TENM2: variants seen among roughly 807,000 people sequenced by gnomAD.
TENM2 encodes teneurin transmembrane protein 2.
A neutral mutation model predicts 245.2 loss-of-function variants in TENM2; 52 were observed. The ratio of observed to expected loss-of-function variants is 0.21; its 90% confidence interval spans 0.17 to 0.27. The LOEUF is 0.27. TENM2 is among the 10% of genes least tolerant of loss of function. The pLI is 1.00. For missense variants in TENM2, 3,046 were observed against 3,666.8 expected, an observed-to-expected ratio of 0.83 and a Z score of 4.37; for synonymous variants, 1,363 against 1,438.9, an observed-to-expected ratio of 0.95 and a Z score of 1.19.
At chr5:168,035,439 G>A (rs1033975989) in intron 5 of TENM2, among the ~76,000 whole-genome samples, 1 of 150,368 alleles carries the variant, frequency 6.7e-6, no homozygotes, top group Non-Finnish European at 1.5e-5. Context: ...GCAGTTTGCA[G>A]TGAACTGAGA....
intron 1 of TENM2, among the ~76,000 whole-genome samples, chr5:167,356,194 A>C (rs1329398226): frequency 5.9e-3 from 12 of 2,050 alleles, no homozygotes; most frequent in Non-Finnish European, 0.012. Flanking sequence ...TCTCAAAAAA[A>C]AAAAAAAAAA....
chr5:167,213,262 TA>T, the TENM2 span, among the ~76,000 whole-genome samples: 11 of 152,336 alleles, frequency 7.2e-5, no homozygotes, highest in Admixed American at 7.2e-4. Context: ...TGGGCTACTG[TA>T]AATGAATACC....
intron 4 of TENM2, among the ~76,000 whole-genome samples, chr5:167,962,840 G>A (rs1454422954): frequency 6.6e-6 from 1 of 152,130 alleles, no homozygotes; most frequent in Non-Finnish European, 1.5e-5. Context: ...TCCCTCCCAT[G>A]ACACATGGGA....
chr5:168,219,139 AT>A, intron 23 of TENM2, 140 bp downstream of exon 25: 3 of 797,414 alleles, frequency 3.8e-6, no homozygotes, highest in Non-Finnish European at 3.9e-6. Flanking sequence ...GCCTCAAGAC[AT>A]TCATGTCCCC....
At chr5:167,020,043 A>G in the TENM2 span, among the ~76,000 whole-genome samples, 1 of 152,210 alleles carries the variant, frequency 6.6e-6, no homozygotes, top group Non-Finnish European at 1.5e-5. Flanking sequence ...TAAACTTTAC[A>G]TGGATCCAGC....
chr5:167,759,668 G>A (rs1762535237), intron 2 of TENM2, among the ~76,000 whole-genome samples: 2 of 152,140 alleles, frequency 1.3e-5, no homozygotes, highest in African/African-American at 4.8e-5. Context: ...TAATCCACCT[G>A]GGAGGGCTGT....
At chr5:167,238,009 C>CAAAAAAAAAAAAAAAAAAAAAAAAA in the TENM2 span, among the ~76,000 whole-genome samples, 1 of 44,114 alleles carries the variant, frequency 2.3e-5, no homozygotes, top group Non-Finnish European at 4.3e-5. Flanking sequence ...GACTCTGTCT[C>CAAAAAAAAAAAAAAAAAAAAAAAAA]AAAAAAAAAA....
rs1421981900 is a variant in TENM2 at position 168,165,647 on chromosome 5, AACCCCCCCCCC to A, written c.2569+2891_2569+2901del. On this transcript the variant is annotated intron_variant, in intron 13 of 28. Coordinates refer to ENST00000518659, the Ensembl canonical transcript of TENM2. The stretch of plus-strand genomic sequence containing the variant: ...AGGCACAATTCAGGATCCCCCCCCC[AACCCCCCCCCC>A]CCCCCCGGCTGGCAGAGACAAAGCA... 1.8e-3 allele frequency among the ~76,000 whole-genome samples: 28 copies of A among 15,908 alleles called. 4 individuals carry two copies. The highest frequency in any genetic ancestry group is 4.9e-3 in the African/African-American group (24 of 4,892). 10.4% of individuals were successfully genotyped at this position (15,908 alleles called of 152,430 possible). A position where few individuals can be genotyped will look rare whatever the true frequency, so the allele number is the denominator to read the frequency against.
chr5:167,918,127 T>C (rs955678101), intron 3 of TENM2, among the ~76,000 whole-genome samples: 15 of 152,212 alleles, frequency 9.9e-5, no homozygotes, highest in African/African-American at 3.4e-4. Context: ...TTTCAAAACA[T>C]TGATTTCTAC....
intron 5 of TENM2, among the ~76,000 whole-genome samples, chr5:168,002,084 G>A (rs1784452332): frequency 6.6e-6 from 1 of 152,176 alleles, no homozygotes; most frequent in African/African-American, 2.4e-5. Context: ...TGTAATATGT[G>A]TCATCTTTCA....
chr5:167,329,389 C>CAA lies in TENM2; in HGVS notation c.226+44339_226+44340dup, dbSNP rs34894963. On this transcript the variant is annotated intron_variant, in intron 1 of 28. Transcript: ENST00000518659. The stretch of plus-strand genomic sequence containing the variant: ...TGAAACCCCATCTCTACTAAAAATA[C>CAA]AAAAAAAAAAAAAATAGCCTGGCGT... Among the ~76,000 whole-genome samples, 807 of 129,636 alleles carry CAA rather than the reference C, an allele frequency of 6.2e-3. 8 individuals carry two copies. The highest frequency in any genetic ancestry group is 0.018 in the East Asian group (81 of 4,422). The allele number at this position is 129,636 out of a possible 152,430, so 85.0% of individuals were successfully genotyped here.
chr5:167,232,150 T>A, the TENM2 span, among the ~76,000 whole-genome samples: 1 of 152,234 alleles, frequency 6.6e-6, no homozygotes, highest in South Asian at 2.1e-4. Flanking sequence ...ATGGAGAACC[T>A]TTTCTAGGGC....
At chr5:167,238,161 T>C in the TENM2 span, among the ~76,000 whole-genome samples, 1 of 152,214 alleles carries the variant, frequency 6.6e-6, no homozygotes, top group Non-Finnish European at 1.5e-5. Context: ...CAATGTATTC[T>C]GTTTATATTT....
chr5:167,611,721 A>G (rs1777489786), intron 2 of TENM2, among the ~76,000 whole-genome samples: 1 of 152,064 alleles, frequency 6.6e-6, no homozygotes, highest in Admixed American at 6.6e-5. Context: ...TGGAGTTGGT[A>G]TCTGGTGAGG....
intron 12 of TENM2, among the ~76,000 whole-genome samples, chr5:168,133,254 A>T (rs932863707): frequency 3.3e-5 from 5 of 152,236 alleles, no homozygotes; most frequent in Non-Finnish European, 7.3e-5. Flanking sequence ...CAAACTGATG[A>T]TTATACAGCT....
chr5:167,568,786 A>C (rs1454103994), intron 2 of TENM2, among the ~76,000 whole-genome samples: 4 of 152,038 alleles, frequency 2.6e-5, no homozygotes, highest in Non-Finnish European at 4.4e-5. Context: ...AGGTTGATGG[A>C]ATTTTTTATG....
chr5:167,226,360 T>A, the TENM2 span, among the ~76,000 whole-genome samples: 2 of 152,012 alleles, frequency 1.3e-5, no homozygotes, highest in African/African-American at 4.8e-5. Flanking sequence ...TTTTCATTTG[T>A]TCTGAGAAAC....
chr5:168,262,075 A>C (rs1768240233), exon 29 of TENM2: 4 of 1,613,888 alleles, frequency 2.5e-6, no homozygotes, highest in Non-Finnish European at 3.4e-6. Context: ...AACAGACAAC[A>C]GAGAGACATA....
intron 2 of TENM2, among the ~76,000 whole-genome samples, chr5:167,436,505 G>GA (rs746949611): frequency 2.0e-5 from 3 of 152,168 alleles, no homozygotes; most frequent in East Asian, 1.9e-4. Context: ...CGATAGAAAA[G>GA]AAAATCTCAT....
Sources: allele counts gnomAD v4.1 joint callset (sites outside exome capture counted in the v4.1 genomes callset), GRCh38; gene constraint gnomAD v4.1.1; transcripts MANE v1.5; gene names NCBI Gene and HGNC (gene_info 2026-07-23, HGNC 2026-07-21).